The following STXBP6 variants were observed in gnomAD, a reference collection of about 807,000 sequenced individuals.
STXBP6 encodes the protein syntaxin binding protein 6.
In STXBP6, 21 loss-of-function variants were observed where a neutral mutation model predicts 26.9. The observed-to-expected ratio is 0.78, with a 90% CI of 0.55 to 1.12. The LOEUF is 1.12. STXBP6 is among the 50% of genes most tolerant of loss of function. The pLI is 0.00. For synonymous variants in STXBP6, 97 were observed against 92.6 expected, an observed-to-expected ratio of 1.05 and a Z score of -0.27; for missense variants, 232 against 257.9, an observed-to-expected ratio of 0.90 and a Z score of 0.69.
At chr14:25,048,366 C>G (rs2075756864) in intron 1 of STXBP6, among the ~76,000 whole-genome samples, 2 of 152,218 alleles carry the variant, frequency 1.3e-5, no homozygotes, top group Admixed American at 1.3e-4. Context: ...TTCAGAGTGA[C>G]TAATCATTTG....
chr14:25,043,282 A>G (rs2075671826), intron 1 of STXBP6, among the ~76,000 whole-genome samples: 1 of 152,226 alleles, frequency 6.6e-6, no homozygotes, highest in Non-Finnish European at 1.5e-5. Context: ...CTAGAAAGCC[A>G]AAGACAAACA....
At chr14:24,962,944 G>A (rs1304048054) in intron 2 of STXBP6, among the ~76,000 whole-genome samples, 1 of 150,742 alleles carries the variant, frequency 6.6e-6, no homozygotes, top group Non-Finnish European at 1.5e-5. Flanking sequence ...TACTCAAGGC[G>A]ACATTAAAAT....
intron 2 of STXBP6, among the ~76,000 whole-genome samples, chr14:24,945,615 A>T (rs1299078814): frequency 6.6e-6 from 1 of 152,036 alleles, no homozygotes; most frequent in African/African-American, 2.4e-5. Flanking sequence ...CCCTACAAAC[A>T]AGGCAAATTA....
In STXBP6 at chr14:24,907,546, T is replaced by C. The variant is rs61978774; in HGVS notation, c.155-50389A>G. ...AAATCAGAATTGCCATGAGAGAGTC[T>C]TTGAATTTTATGTGGCTTCTCTTCT... On this transcript the variant is annotated intron_variant, in intron 2 of 5. Transcript: ENST00000323944. 3.5e-3 allele frequency among the ~76,000 whole-genome samples: 540 copies of C among 152,316 alleles called. 2 individuals are homozygous for C. The highest frequency in any genetic ancestry group is 6.4e-3 in the Non-Finnish European group (436 of 68,022).
chr14:24,839,604 A>G lies in STXBP6; in HGVS notation c.451+16332T>C, dbSNP rs536474424. ...AACCCAAAAAGTATGGTAATCTTGTATATTGTGTGACTTGTCATTCTTGAA... is the reference window on the plus strand; with the variant it reads ...AACCCAAAAAGTATGGTAATCTTGTGTATTGTGTGACTTGTCATTCTTGAA... On this transcript the variant is annotated intron_variant, in intron 4 of 5. Coordinates refer to ENST00000323944, the MANE Select transcript of STXBP6 (RefSeq NM_001394410.1). 9.8e-5 allele frequency among the ~76,000 whole-genome samples: 15 copies of G among 152,306 alleles called. No individual in the cohort carries two copies. In the East Asian group the frequency reaches 2.5e-3, roughly 25 times the overall value.
At chr14:24,888,788 C>T (rs2070683042) in intron 2 of STXBP6, among the ~76,000 whole-genome samples, 1 of 151,756 alleles carries the variant, frequency 6.6e-6, no homozygotes, top group Non-Finnish European at 1.5e-5. Context: ...CAATCCCTTT[C>T]TCTGCTTTTA....
intron 2 of STXBP6, among the ~76,000 whole-genome samples, chr14:24,922,391 C>T (rs933009617): frequency 6.6e-6 from 1 of 152,136 alleles, no homozygotes; most frequent in East Asian, 1.9e-4. Context: ...GTTCTTAACA[C>T]TGTAGCTGCT....
At chr14:24,974,985 A>G (rs2074006065) in intron 1 of STXBP6, 135 bp from the exon 2 acceptor site, 2 of 531,750 alleles carry the variant, frequency 3.8e-6, no homozygotes, top group South Asian at 8.6e-5. Flanking sequence ...CTTGAAATGT[A>G]TTATAGAAAC....
intron 2 of STXBP6, among the ~76,000 whole-genome samples, chr14:24,957,548 T>A (rs1310809664): frequency 1.3e-5 from 2 of 152,198 alleles, no homozygotes; most frequent in African/African-American, 4.8e-5. Flanking sequence ...CAACTTTTAT[T>A]CTTCATGCCA....
chr14:24,952,379 TTA>T (rs1034410744), intron 2 of STXBP6, among the ~76,000 whole-genome samples: 2 of 151,898 alleles, frequency 1.3e-5, no homozygotes, highest in African/African-American at 4.8e-5. Context: ...ATGAATACAG[TTA>T]TCAAATATTC....
At chr14:24,845,069 T>C (rs903675571) in intron 4 of STXBP6, among the ~76,000 whole-genome samples, 9 of 151,744 alleles carry the variant, frequency 5.9e-5, no homozygotes, top group Admixed American at 2.0e-4. Context: ...TGGAATGCAG[T>C]GGCGTGATCT....
intron 1 of STXBP6, among the ~76,000 whole-genome samples, chr14:25,017,946 C>T (rs2075185875): frequency 6.6e-6 from 1 of 152,144 alleles, no homozygotes; most frequent in South Asian, 2.1e-4. Flanking sequence ...AGGCTTCTAT[C>T]CTGAATTTTC....
At chr14:25,042,883 T>A (rs1297001534) in intron 1 of STXBP6, among the ~76,000 whole-genome samples, 1 of 152,240 alleles carries the variant, frequency 6.6e-6, no homozygotes, top group East Asian at 1.9e-4. Context: ...TCATTTAGTA[T>A]CATGCCTCTT....
At chr14:24,862,617 C>G (rs2069579691) in intron 2 of STXBP6, among the ~76,000 whole-genome samples, 1 of 152,102 alleles carries the variant, frequency 6.6e-6, no homozygotes, top group African/African-American at 2.4e-5. Flanking sequence ...CAACTATATA[C>G]CACATTCTCA....
At chr14:24,983,364 G>A (rs2074248165) in intron 1 of STXBP6, among the ~76,000 whole-genome samples, 1 of 152,168 alleles carries the variant, frequency 6.6e-6, no homozygotes, top group South Asian at 2.1e-4. Flanking sequence ...ACAGCAGACA[G>A]CACTGGAAAT....
chr14:24,906,304 C>T (rs1196813978), intron 2 of STXBP6, among the ~76,000 whole-genome samples: 1 of 151,996 alleles, frequency 6.6e-6, no homozygotes, highest in Non-Finnish European at 1.5e-5. Context: ...TGATATTCTA[C>T]AATGCAAAAA....
intron 1 of STXBP6, among the ~76,000 whole-genome samples, chr14:25,000,821 C>G (rs1237590532): frequency 6.6e-6 from 1 of 150,874 alleles, no homozygotes; most frequent in Non-Finnish European, 1.5e-5. Context: ...GACAGCCAGG[C>G]CTTGCTGAGT....
chr14:24,958,848 T>C (rs11629258), intron 2 of STXBP6, among the ~76,000 whole-genome samples: 87,133 of 151,958 alleles, frequency 0.57, 25,622 homozygotes, highest in Admixed American at 0.65. Context: ...AGACCATTAC[T>C]ATCTGAAAGG....
At chr14:24,859,484 C>T (rs1412131684) in intron 2 of STXBP6, among the ~76,000 whole-genome samples, 5 of 152,024 alleles carry the variant, frequency 3.3e-5, no homozygotes, top group Non-Finnish European at 7.4e-5. Flanking sequence ...ACACACACAC[C>T]ATTGCCAGAC....
Sources: gnomAD v4.1 joint callset for allele counts (sites outside exome capture counted in the v4.1 genomes callset) on GRCh38, gnomAD v4.1.1 for gene constraint, MANE v1.5 for transcripts, NCBI Gene and HGNC (gene_info 2026-07-23, HGNC 2026-07-21) for gene names.